The following CCDC171 variants were observed in gnomAD, a reference collection of about 807,000 sequenced individuals.
The protein encoded by CCDC171 is coiled-coil domain containing 171.
In CCDC171, 177 loss-of-function variants were observed where a neutral mutation model predicts 168.2. The ratio of observed to expected loss-of-function variants is 1.05; its 90% CI spans 0.93 to 1.19. The LOEUF (loss-of-function observed/expected upper bound fraction) is 1.19. CCDC171 is among the 50% of genes most tolerant of loss of function. The pLI is 0.00. For missense variants in CCDC171, 1,991 were observed against 1,539.0 expected (o/e 1.29, Z -4.91); for synonymous variants, 687 against 540.8 (o/e 1.27, Z -3.75).
chr9:15,859,058 C>G (rs925118345), intron 23 of CCDC171, among the ~76,000 whole-genome samples: 18 of 151,968 alleles, frequency 1.2e-4, no homozygotes, highest in Admixed American at 1.0e-3. Flanking sequence ...AGCTACTTTT[C>G]TTCTATTCCT....
chr9:16,086,031 C>T, the CCDC171 span, among the ~76,000 whole-genome samples: 2 of 103,422 alleles, frequency 1.9e-5, no homozygotes, highest in Non-Finnish European at 4.5e-5. Context: ...ATAGTTTCAC[C>T]AGCTCCTTTT....
At chr9:15,938,903 A>G (rs975604492) in intron 25 of CCDC171, among the ~76,000 whole-genome samples, 1 of 151,860 alleles carries the variant, frequency 6.6e-6, no homozygotes, top group Non-Finnish European at 1.5e-5. Flanking sequence ...ATAATGCCAT[A>G]TGGATAGTAT....
intron 16 of CCDC171, among the ~76,000 whole-genome samples, chr9:15,735,436 T>G (rs767483350): frequency 1.2e-4 from 18 of 151,580 alleles, no homozygotes; most frequent in Non-Finnish European, 1.5e-4. Flanking sequence ...GAAGTAAAGT[T>G]TTTTTTTTAC....
chr9:15,724,754 C>T (rs2053689732), intron 13 of CCDC171, 22 bp from the exon 14 acceptor site: 4 of 1,586,918 alleles, frequency 2.5e-6, no homozygotes, highest in South Asian at 2.2e-5. Context: ...TCTACAATCT[C>T]TTTATTTGGT....
intron 18 of CCDC171, among the ~76,000 whole-genome samples, chr9:15,754,309 A>G (rs2055953663): frequency 6.6e-6 from 1 of 152,158 alleles, no homozygotes; most frequent in Admixed American, 6.6e-5. Flanking sequence ...CAGTTGTGTG[A>G]AACTGGGCAC....
At chr9:15,945,056 A>G (rs1214968352) in intron 25 of CCDC171, among the ~76,000 whole-genome samples, 1 of 150,272 alleles carries the variant, frequency 6.7e-6, no homozygotes, top group Admixed American at 6.6e-5. Context: ...CAGTCCCCAG[A>G]GTGTGATGTT....
intron 1 of CCDC171, among the ~76,000 whole-genome samples, chr9:16,058,665 G>T (rs548569316): frequency 2.6e-5 from 4 of 152,178 alleles, no homozygotes; most frequent in African/African-American, 9.7e-5. Context: ...CCAATTCCCC[G>T]CTGTGTTTCC....
At chr9:16,006,971 G>C (rs1167583391) in intron 3 of CCDC171, among the ~76,000 whole-genome samples, 2 of 152,062 alleles carry the variant, frequency 1.3e-5, no homozygotes, top group African/African-American at 4.8e-5. Flanking sequence ...TGGGTCAGTT[G>C]GTATTTCTAG....
chr9:15,936,003 A>G (rs1032378570), intron 25 of CCDC171, among the ~76,000 whole-genome samples: 3 of 152,074 alleles, frequency 2.0e-5, no homozygotes, highest in Non-Finnish European at 4.4e-5. Context: ...TAGGCTGGCA[A>G]TTTAGCTGTT....
rs2057397209 is a variant in CCDC171 at position 15,777,598 on chromosome 9, A to G, written c.2672-2A>G. 1 of 1,594,390 alleles carries G rather than the reference A, an allele frequency of 6.3e-7. No individual in the cohort carries two copies. Among genetic ancestry groups the G allele is most frequent in the Non-Finnish European group, 8.5e-7 (1 of 1,171,572 alleles). Reference sequence around the variant, plus strand: ...TGTGCCTTTTTTTCTTTTTCTTTGAAGATCCAAATTCCAGAATTTGTGGAC... The same window carrying G: ...TGTGCCTTTTTTTCTTTTTCTTTGAGGATCCAAATTCCAGAATTTGTGGAC... On this transcript the variant is annotated splice_acceptor_variant, in intron 18 of 25. Coordinates refer to ENST00000380701, the MANE Select transcript of CCDC171 (RefSeq NM_173550.4). LOFTEE classifies it high-confidence loss of function.
At chr9:16,076,531 T>C in the CCDC171 span, among the ~76,000 whole-genome samples, 2 of 152,196 alleles carry the variant, frequency 1.3e-5, no homozygotes, top group Admixed American at 6.5e-5. Flanking sequence ...GTGGTGGTCC[T>C]GTGCTGAGCT....
intron 21 of CCDC171, among the ~76,000 whole-genome samples, chr9:15,829,911 C>A (rs892450321): frequency 6.6e-6 from 1 of 152,088 alleles, no homozygotes; most frequent in African/African-American, 2.4e-5. Context: ...CAGAGTGAGA[C>A]CCTGCTCAAA....
intron 25 of CCDC171, among the ~76,000 whole-genome samples, chr9:15,966,005 C>G (rs1261662985): frequency 5.3e-5 from 8 of 152,182 alleles, no homozygotes; most frequent in Admixed American, 5.2e-4. Context: ...TGTTCATTCA[C>G]TCATTCATCA....
At chr9:16,012,507 T>C (rs1365438562) in intron 3 of CCDC171, among the ~76,000 whole-genome samples, 2 of 152,176 alleles carry the variant, frequency 1.3e-5, no homozygotes, top group African/African-American at 4.8e-5. Context: ...CTTTCTGGGA[T>C]ATTTACTTGA....
At chr9:15,810,154 T>A (rs2135941398) in intron 21 of CCDC171, among the ~76,000 whole-genome samples, 1 of 151,364 alleles carries the variant, frequency 6.6e-6, no homozygotes, top group East Asian at 1.9e-4. Flanking sequence ...GCATTTACAA[T>A]CCTCTAGCTA....
chr9:15,641,966 T>C (rs200826946), intron 7 of CCDC171, among the ~76,000 whole-genome samples: 1 of 151,982 alleles, frequency 6.6e-6, no homozygotes, highest in African/African-American at 2.4e-5. Context: ...GAGTCCGAGA[T>C]CAGCCTGGCC....
intron 11 of CCDC171, among the ~76,000 whole-genome samples, 170 bp downstream of exon 11, chr9:15,695,507 G>A (rs2051146324): frequency 1.3e-5 from 2 of 152,178 alleles, no homozygotes; most frequent in Non-Finnish European, 2.9e-5. Context: ...GCTGAGAAAG[G>A]GTGACGGAAT....
chr9:15,983,413 C>A (rs1362020289), intron 3 of CCDC171, among the ~76,000 whole-genome samples: 2 of 151,914 alleles, frequency 1.3e-5, no homozygotes, highest in African/African-American at 2.4e-5. Context: ...TTCTCATACT[C>A]TCTTCTTAGG....
intron 3 of CCDC171, among the ~76,000 whole-genome samples, chr9:15,979,086 A>G (rs529920970): frequency 6.6e-6 from 1 of 152,288 alleles, no homozygotes; most frequent in African/African-American, 2.4e-5. Flanking sequence ...TTTCAAGTGG[A>G]ATAATATTCC....
Sources: allele counts gnomAD v4.1 joint callset (sites outside exome capture counted in the v4.1 genomes callset), GRCh38; gene constraint gnomAD v4.1.1; transcripts MANE v1.5; gene names NCBI Gene and HGNC (gene_info 2026-07-23, HGNC 2026-07-21).